TMEM178B: variants seen among roughly 807,000 people sequenced by gnomAD.
The protein encoded by TMEM178B is transmembrane protein 178B.
TMEM178B carries 5 observed loss-of-function variants against 31.0 expected under a neutral mutation model. That is an observed-to-expected ratio of 0.16 (90% CI 0.08 to 0.34). The LOEUF (loss-of-function observed/expected upper bound fraction) is 0.34. TMEM178B is among the 10% of genes least tolerant of loss of function. The pLI, the probability that TMEM178B is intolerant of heterozygous loss-of-function variation, is 1.00. For synonymous variants in TMEM178B, 164 were observed against 164.0 expected (o/e 1.00, Z 0.00); for missense variants, 275 against 400.3 (o/e 0.69, Z 2.67).
At chr7:141,155,963 G>A (rs1376513148) in intron 1 of TMEM178B, among the ~76,000 whole-genome samples, 1 of 152,170 alleles carries the variant, frequency 6.6e-6, no homozygotes, top group African/African-American at 2.4e-5. Context: ...TACTTGAGAG[G>A]CTGAGGCAGG....
intron 1 of TMEM178B, among the ~76,000 whole-genome samples, chr7:141,177,447 A>C (rs1164592711): frequency 2.0e-5 from 3 of 152,178 alleles, no homozygotes; most frequent in African/African-American, 7.2e-5. Context: ...AGTTCTGTAG[A>C]TATCTATTAG....
At chr7:141,319,848 C>T (rs1031077815) in intron 2 of TMEM178B, among the ~76,000 whole-genome samples, 1 of 152,144 alleles carries the variant, frequency 6.6e-6, no homozygotes, top group Non-Finnish European at 1.5e-5. Flanking sequence ...GCTGTGTGGC[C>T]TTAAGCAAGT....
chr7:141,104,988 A>C (rs1795118404), intron 1 of TMEM178B, among the ~76,000 whole-genome samples: 1 of 152,150 alleles, frequency 6.6e-6, no homozygotes, highest in Admixed American at 6.5e-5. Flanking sequence ...ACTGTTTGTG[A>C]ACTTTGAAGA....
chr7:141,299,263 G>A (rs184320823), intron 2 of TMEM178B, among the ~76,000 whole-genome samples: 7 of 152,090 alleles, frequency 4.6e-5, no homozygotes, highest in African/African-American at 1.4e-4. Context: ...TGCAAACTCC[G>A]CATCCTAGGT....
chr7:141,276,565 G>T (rs777408853), intron 2 of TMEM178B, among the ~76,000 whole-genome samples: 2 of 151,984 alleles, frequency 1.3e-5, no homozygotes, highest in South Asian at 2.1e-4. Flanking sequence ...ATGAGAACTC[G>T]CTCACTATCA....
intron 2 of TMEM178B, among the ~76,000 whole-genome samples, chr7:141,360,326 C>T (rs1415246516): frequency 2.6e-5 from 4 of 152,188 alleles, no homozygotes; most frequent in African/African-American, 9.7e-5. Flanking sequence ...TAATCCCATT[C>T]TGCTCTCATA....
At chr7:141,439,260 T>TA (rs973053989) in intron 3 of TMEM178B, among the ~76,000 whole-genome samples, 14 of 152,054 alleles carry the variant, frequency 9.2e-5, no homozygotes, top group Admixed American at 2.0e-4. Context: ...CACTCAGGGC[T>TA]AAAAAAACCG....
intron 2 of TMEM178B, among the ~76,000 whole-genome samples, chr7:141,415,810 C>G (rs1159895844): frequency 2.0e-5 from 3 of 152,160 alleles, no homozygotes; most frequent in Non-Finnish European, 4.4e-5. Flanking sequence ...AGGCAGACCA[C>G]TCAGGTTAGC....
chr7:141,233,428 T>G (rs1797478282), intron 2 of TMEM178B, among the ~76,000 whole-genome samples: 1 of 152,184 alleles, frequency 6.6e-6, no homozygotes, highest in Admixed American at 6.5e-5. Context: ...TGAGAATAAA[T>G]TTTCTCCATT....
intron 2 of TMEM178B, among the ~76,000 whole-genome samples, chr7:141,261,137 A>G (rs1262454650): frequency 1.3e-5 from 2 of 152,218 alleles, no homozygotes; most frequent in African/African-American, 4.8e-5. Context: ...CTTGCAGTCA[A>G]AAACTGTTGG....
intron 2 of TMEM178B, among the ~76,000 whole-genome samples, chr7:141,407,345 G>T (rs941492722): frequency 1.3e-5 from 2 of 152,230 alleles, no homozygotes; most frequent in Non-Finnish European, 2.9e-5. Context: ...ACAGTCTGGA[G>T]CATAGAAAAA....
intron 2 of TMEM178B, among the ~76,000 whole-genome samples, chr7:141,236,499 G>A (rs1282387446): frequency 6.6e-6 from 1 of 152,224 alleles, no homozygotes; most frequent in African/African-American, 2.4e-5. Flanking sequence ...AATGTCACAA[G>A]AAGATAACAG....
At chr7:141,271,164 C>A (rs1003258654) in intron 2 of TMEM178B, among the ~76,000 whole-genome samples, 1 of 152,214 alleles carries the variant, frequency 6.6e-6, no homozygotes, top group Non-Finnish European at 1.5e-5. Flanking sequence ...GCAGCTGTAT[C>A]TGGTTCCAGT....
chr7:141,215,777 C>CCTTT (rs529722580), intron 2 of TMEM178B, among the ~76,000 whole-genome samples: 1,151 of 112,034 alleles, frequency 0.01, 15 homozygotes, highest in African/African-American at 0.017. Flanking sequence ...TATATACTTT[C>CCTTT]CTTTCTTTCT....
At chr7:141,440,129 A>C (rs546544251) in intron 3 of TMEM178B, among the ~76,000 whole-genome samples, 3 of 152,298 alleles carry the variant, frequency 2.0e-5, no homozygotes. Context: ...GTGTGGGGGC[A>C]GTGAGGGATA....
chr7:141,385,928 T>C (rs1278106680), intron 2 of TMEM178B, among the ~76,000 whole-genome samples: 3 of 152,244 alleles, frequency 2.0e-5, no homozygotes, highest in Non-Finnish European at 4.4e-5. Context: ...CTGGTTGTGT[T>C]GCAGAGAGAT....
At chr7:141,242,425 A>T (rs1357388320) in intron 2 of TMEM178B, among the ~76,000 whole-genome samples, 2 of 152,014 alleles carry the variant, frequency 1.3e-5, no homozygotes, top group Admixed American at 6.5e-5. Context: ...GCAGAACTGC[A>T]TAGTGATTTC....
chr7:141,361,475 A>C (rs1038073168), intron 2 of TMEM178B, among the ~76,000 whole-genome samples: 5 of 152,350 alleles, frequency 3.3e-5, no homozygotes, highest in Non-Finnish European at 5.9e-5. Flanking sequence ...TTTGATGTAC[A>C]CACTTTACAT....
At chr7:141,497,458 C>A in the TMEM178B span, among the ~76,000 whole-genome samples, 2 of 152,306 alleles carry the variant, frequency 1.3e-5, no homozygotes, top group Admixed American at 6.5e-5. Flanking sequence ...CCCCTTTGGG[C>A]TCTCTCTTTT....
Sources: gnomAD v4.1 joint callset for allele counts (sites outside exome capture counted in the v4.1 genomes callset) on GRCh38, gnomAD v4.1.1 for gene constraint, MANE v1.5 for transcripts, NCBI Gene and HGNC (gene_info 2026-07-23, HGNC 2026-07-21) for gene names.